ANXA8: variants seen among roughly 807,000 people sequenced by gnomAD.
ANXA8 encodes VAC-beta.
Under a neutral mutation model 26.8 loss-of-function variants are expected in ANXA8, and 9 were observed. The observed-to-expected ratio is 0.34, with a 90% confidence interval of 0.20 to 0.59. ANXA8 has a LOEUF of 0.59. ANXA8 is among the 20% of genes least tolerant of loss of function. The pLI is 0.84. For synonymous variants in ANXA8, 39 were observed against 94.8 expected, an observed-to-expected ratio of 0.41 and a Z score of 3.42; for missense variants, 83 against 238.5, an observed-to-expected ratio of 0.35 and a Z score of 4.29.
At chr10:47,691,205 C>T in the ANXA8 span, 1 of 1,501,864 alleles carries the variant, frequency 6.7e-7, no homozygotes, top group South Asian at 1.2e-5. Flanking sequence ...TACAGTGTTT[C>T]TTGGAGATAT....
the ANXA8 span, among the ~76,000 whole-genome samples, chr10:47,764,113 T>C: frequency 1.3e-5 from 2 of 151,434 alleles, no homozygotes; most frequent in African/African-American, 2.4e-5. Flanking sequence ...CCCAGGCCAC[T>C]TCACCCAGTA....
the ANXA8 span, among the ~76,000 whole-genome samples, chr10:47,769,119 G>A: frequency 9.2e-5 from 13 of 142,050 alleles, no homozygotes; most frequent in South Asian, 2.8e-3. Flanking sequence ...AGGGGTAGAG[G>A]AGGGAGCAAG....
At chr10:47,955,344 C>T in the ANXA8 span, among the ~76,000 whole-genome samples, 2 of 150,020 alleles carry the variant, frequency 1.3e-5, no homozygotes, top group African/African-American at 2.5e-5. Flanking sequence ...TGGATTAATA[C>T]ACAACGATGC....
At chr10:47,985,005 G>A in the ANXA8 span, among the ~76,000 whole-genome samples, 7 of 145,884 alleles carry the variant, frequency 4.8e-5, no homozygotes, top group South Asian at 1.5e-3. Context: ...CTTTGCCTCT[G>A]CAAAATATTC....
the ANXA8 span, among the ~76,000 whole-genome samples, chr10:47,672,781 C>T: frequency 2.0e-5 from 3 of 151,832 alleles, no homozygotes; most frequent in African/African-American, 7.3e-5. Context: ...GGGAGTGAAC[C>T]ATTCGAGGTC....
At chr10:47,502,189 G>T in the ANXA8 span, 17 of 1,541,388 alleles carry the variant, frequency 1.1e-5, 4 homozygotes, top group Non-Finnish European at 1.3e-5. Flanking sequence ...GGGCCATGAC[G>T]TCCACCCCGT....
At chr10:47,717,947 G>A in the ANXA8 span, among the ~76,000 whole-genome samples, 12,638 of 138,482 alleles carry the variant, frequency 0.091, 3 homozygotes, top group African/African-American at 0.13. Context: ...GCAGTGAGCC[G>A]AGATTGCACC....
the ANXA8 span, among the ~76,000 whole-genome samples, chr10:47,695,290 A>T: frequency 6.6e-6 from 1 of 151,482 alleles, no homozygotes; most frequent in Admixed American, 6.6e-5. Context: ...AATGGGTTGC[A>T]GGCGGGACAA....
chr10:47,505,387 C>A, the ANXA8 span, among the ~76,000 whole-genome samples: 57 of 91,510 alleles, frequency 6.2e-4, no homozygotes, highest in Middle Eastern at 6.3e-3. Context: ...AAAAACATAG[C>A]CTGAATTTCT....
At chr10:47,651,359 G>T in the ANXA8 span, among the ~76,000 whole-genome samples, 1 of 151,200 alleles carries the variant, frequency 6.6e-6, no homozygotes, top group African/African-American at 2.4e-5. Flanking sequence ...ACCCTATAAG[G>T]GTTCCTTACT....
the ANXA8 span, among the ~76,000 whole-genome samples, chr10:47,534,537 C>G: frequency 2.2e-5 from 3 of 138,360 alleles, 1 homozygote; most frequent in Admixed American, 7.3e-5. Flanking sequence ...TACAAATCTG[C>G]TTTTTTGTGG....
chr10:47,659,016 C>G, the ANXA8 span, among the ~76,000 whole-genome samples: 1 of 150,424 alleles, frequency 6.6e-6, no homozygotes. Context: ...GGAATACAGG[C>G]GCCCGCCACC....
chr10:47,687,246 CTAAG>C, the ANXA8 span, among the ~76,000 whole-genome samples: 23 of 151,086 alleles, frequency 1.5e-4, no homozygotes, highest in African/African-American at 5.6e-4. Context: ...TTGCATATAT[CTAAG>C]TATTCCCACC....
the ANXA8 span, among the ~76,000 whole-genome samples, chr10:47,951,571 A>T: frequency 6.6e-6 from 1 of 150,646 alleles, no homozygotes; most frequent in African/African-American, 2.5e-5. Flanking sequence ...GCACTTTGAG[A>T]GGCTGAGCTG....
the ANXA8 span, among the ~76,000 whole-genome samples, chr10:47,519,419 G>C: frequency 2.5e-5 from 3 of 118,512 alleles, no homozygotes; most frequent in Non-Finnish European, 3.4e-5. Context: ...AGTGAGCCAA[G>C]ATTGTGCCAT....
chr10:47,502,133 G>T, the ANXA8 span: 15 of 1,572,448 alleles, frequency 9.5e-6, no homozygotes, highest in Admixed American at 1.7e-5. Context: ...CTCCTGGCTG[G>T]AGGCCTGCCG....
chr10:47,905,653 G>C, the ANXA8 span, among the ~76,000 whole-genome samples: 2 of 150,326 alleles, frequency 1.3e-5, no homozygotes, highest in East Asian at 3.9e-4. Flanking sequence ...GTTGTTAATG[G>C]AGGGGAAGGG....
the ANXA8 span, among the ~76,000 whole-genome samples, chr10:47,748,204 C>A: frequency 4.0e-5 from 6 of 148,786 alleles, no homozygotes; most frequent in East Asian, 1.2e-3. Flanking sequence ...GCACACTATA[C>A]TTTTTTTTTA....
At chr10:47,763,838 G>A in the ANXA8 span, among the ~76,000 whole-genome samples, 1 of 150,786 alleles carries the variant, frequency 6.6e-6, no homozygotes, top group African/African-American at 2.4e-5. Flanking sequence ...TTGGGGGGAT[G>A]GACCTTCTCG....
Sources: gnomAD v4.1 joint callset for allele counts (sites outside exome capture counted in the v4.1 genomes callset) on GRCh38, gnomAD v4.1.1 for gene constraint, MANE v1.5 for transcripts, NCBI Gene and HGNC (gene_info 2026-07-23, HGNC 2026-07-21) for gene names.